The following BNC2 variants were observed in gnomAD, a reference collection of about 807,000 sequenced individuals.
BNC2 encodes basonuclin zinc finger protein 2.
In BNC2, 20 loss-of-function variants were observed where a neutral mutation model predicts 76.3. The observed-to-expected ratio is 0.26, with a 90% CI of 0.18 to 0.38. The LOEUF (loss-of-function observed/expected upper bound fraction) is 0.38, where lower values mean the gene tolerates loss of function less well. Among genes scored for constraint, BNC2 ranks in the 10% least tolerant of loss-of-function variants. The probability of loss-of-function intolerance (pLI) is 1.00; values close to 1 mark genes in which losing one functional copy is unlikely to be tolerated. For missense variants in BNC2, 1,382 were observed against 1,399.8 expected (o/e 0.99, Z 0.20); for synonymous variants, 582 against 514.8 (o/e 1.13, Z -1.77).
chr9:16,558,020 A>AT (rs756937583), intron 4 of BNC2, among the ~76,000 whole-genome samples: 21 of 151,414 alleles, frequency 1.4e-4, no homozygotes, highest in South Asian at 6.3e-4. Context: ...ATTTTTCTGT[A>AT]TTTTTTTTGT....
intron 1 of BNC2, among the ~76,000 whole-genome samples, chr9:16,866,255 A>G (rs1819540312): frequency 6.6e-6 from 1 of 152,178 alleles, no homozygotes; most frequent in Admixed American, 6.5e-5. Flanking sequence ...TTTTTGATCC[A>G]TAATAAGTCA....
chr9:16,610,336 G>C (rs1203484457), intron 3 of BNC2, among the ~76,000 whole-genome samples: 1 of 152,078 alleles, frequency 6.6e-6, no homozygotes, highest in Non-Finnish European at 1.5e-5. Context: ...ATTAAATTCA[G>C]TAAAACTTGA....
chr9:16,590,174 G>C (rs1382044253), intron 3 of BNC2, among the ~76,000 whole-genome samples: 2 of 152,098 alleles, frequency 1.3e-5, no homozygotes, highest in Non-Finnish European at 2.9e-5. Context: ...CTCTAATGGA[G>C]GGAAAAGAAG....
At chr9:16,468,179 T>C (rs1821736300) in intron 5 of BNC2, among the ~76,000 whole-genome samples, 1 of 151,666 alleles carries the variant, frequency 6.6e-6, no homozygotes, top group Non-Finnish European at 1.5e-5. Context: ...GTGCTAGGAT[T>C]ATAGGCATGA....
chr9:16,752,721 C>A (rs1043629623), intron 1 of BNC2, among the ~76,000 whole-genome samples: 1 of 152,120 alleles, frequency 6.6e-6, no homozygotes, highest in Non-Finnish European at 1.5e-5. Context: ...AAAATCGCAA[C>A]AATCTTTTTT....
intron 1 of BNC2, among the ~76,000 whole-genome samples, chr9:16,812,526 A>G (rs2135863910): frequency 6.6e-6 from 1 of 152,334 alleles, no homozygotes; most frequent in Middle Eastern, 3.4e-3. Context: ...TCGTGTCATT[A>G]CCACAGGCAG....
chr9:16,650,016 G>A (rs1394362926), intron 3 of BNC2, among the ~76,000 whole-genome samples: 3 of 152,158 alleles, frequency 2.0e-5, no homozygotes, highest in Non-Finnish European at 2.9e-5. Flanking sequence ...CATCCAATCT[G>A]ATAAGCTTAG....
At chr9:16,834,230 T>C (rs1333835869) in intron 1 of BNC2, among the ~76,000 whole-genome samples, 2 of 152,128 alleles carry the variant, frequency 1.3e-5, no homozygotes, top group African/African-American at 4.8e-5. Context: ...ATAATTCTGA[T>C]ATTTGTAGTA....
Position 16,634,146 on chromosome 9 carries a change from T to C in BNC2, c.331-51061A>G, listed in dbSNP as rs771277603. Among the ~76,000 whole-genome samples, 185 of 152,348 alleles carry C rather than the reference T, an allele frequency of 1.2e-3. 1 individual carries two copies. Among genetic ancestry groups the C allele is most frequent in the Non-Finnish European group, 1.2e-3 (84 of 68,034 alleles). ...GACAGGACTATTTATATGAATAATA[T>C]TCCCCAATTGCAATTTGTCCACTGT... is the stretch of plus-strand genomic sequence containing the variant. On this transcript the variant is annotated intron_variant, in intron 3 of 6. Transcript: ENST00000380672.
At chr9:16,446,034 C>A (rs1302847620) in intron 5 of BNC2, among the ~76,000 whole-genome samples, 1 of 152,124 alleles carries the variant, frequency 6.6e-6, no homozygotes, top group East Asian at 1.9e-4. Flanking sequence ...ACTTATTAGT[C>A]TTTGTTAGCT....
At chr9:16,693,858 C>T (rs942699508) in intron 3 of BNC2, among the ~76,000 whole-genome samples, 1 of 152,198 alleles carries the variant, frequency 6.6e-6, no homozygotes, top group Admixed American at 6.5e-5. Context: ...TGGGGACAGA[C>T]ATTAACTGTA....
chr9:16,678,543 C>T (rs764154851), intron 3 of BNC2, among the ~76,000 whole-genome samples: 1 of 151,826 alleles, frequency 6.6e-6, no homozygotes, highest in East Asian at 1.9e-4. Flanking sequence ...GGATTACAGG[C>T]GTGAGCCACC....
intron 1 of BNC2, among the ~76,000 whole-genome samples, chr9:16,741,231 A>C (rs1192414611): frequency 5.9e-5 from 9 of 152,176 alleles, no homozygotes; most frequent in African/African-American, 2.2e-4. Flanking sequence ...AGGTGGGCGG[A>C]TCACCTGAGG....
At chr9:16,530,587 C>G (rs1817945897) in intron 5 of BNC2, among the ~76,000 whole-genome samples, 1 of 152,154 alleles carries the variant, frequency 6.6e-6, no homozygotes, top group African/African-American at 2.4e-5. Context: ...GCGGGAAAAG[C>G]ACTTCATAGA....
At chr9:16,680,401 T>C (rs964897986) in intron 3 of BNC2, among the ~76,000 whole-genome samples, 1 of 152,036 alleles carries the variant, frequency 6.6e-6, no homozygotes, top group Non-Finnish European at 1.5e-5. Flanking sequence ...TCATTTAAAT[T>C]TCATATAAAA....
chr9:16,689,805 A>G (rs1823099288), intron 3 of BNC2, among the ~76,000 whole-genome samples: 1 of 152,228 alleles, frequency 6.6e-6, no homozygotes, highest in African/African-American at 2.4e-5. Flanking sequence ...CCAAGCGGCA[A>G]GAGGAAAAAT....
chr9:16,537,057 T>G (rs2132303813), intron 5 of BNC2, among the ~76,000 whole-genome samples: 1 of 152,246 alleles, frequency 6.6e-6, no homozygotes, highest in East Asian at 1.9e-4. Context: ...TATGGCATAT[T>G]GTAGAGCTCA....
chr9:16,627,874 G>C (rs1264299479), intron 3 of BNC2, among the ~76,000 whole-genome samples: 2 of 152,120 alleles, frequency 1.3e-5, no homozygotes, highest in Non-Finnish European at 2.9e-5. Flanking sequence ...AAGAGAAAAA[G>C]AGCTCAGTGT....
At chr9:16,498,447 A>T (rs1274384260) in intron 5 of BNC2, among the ~76,000 whole-genome samples, 1 of 151,176 alleles carries the variant, frequency 6.6e-6, no homozygotes, top group Non-Finnish European at 1.5e-5. Context: ...GTACTCACTG[A>T]TATGTGGGAG....
Sources: gnomAD v4.1 joint callset for allele counts (sites outside exome capture counted in the v4.1 genomes callset) on GRCh38, gnomAD v4.1.1 for gene constraint, MANE v1.5 for transcripts, NCBI Gene and HGNC (gene_info 2026-07-23, HGNC 2026-07-21) for gene names.